Variants in WLS observed in about 807,000 individuals in gnomAD.
WLS encodes protein wntless homolog.
In WLS, 23 loss-of-function variants were observed where a neutral mutation model predicts 62.8. The observed-to-expected ratio is 0.37, with a 90% CI of 0.26 to 0.52. The LOEUF is 0.52. Ranked by LOEUF, WLS falls within the 20% of genes least tolerant of loss-of-function variation. The pLI, the probability that WLS is intolerant of heterozygous loss-of-function variation, is 0.92. For missense variants in WLS, 615 were observed against 697.3 expected (o/e 0.88, Z 1.33); for synonymous variants, 246 against 244.1 (o/e 1.01, Z -0.07).
chr1:68,172,859 G>A (rs1334442874), intron 2 of WLS, among the ~76,000 whole-genome samples: 1 of 152,200 alleles, frequency 6.6e-6, no homozygotes, highest in Non-Finnish European at 1.5e-5. Context: ...GAGAGGGACT[G>A]GAGGGAACAG....
intron 1 of WLS, 109 bp from the exon 2 acceptor site, chr1:68,194,336 T>C (rs1648543322): frequency 7.2e-7 from 1 of 1,388,224 alleles, no homozygotes; most frequent in East Asian, 2.4e-5. Context: ...TATCGCCTTC[T>C]ACAAGTGGGG....
intron 11 of WLS, among the ~76,000 whole-genome samples, chr1:68,106,648 C>T (rs1056247475): frequency 6.6e-6 from 1 of 152,124 alleles, no homozygotes; most frequent in African/African-American, 2.4e-5. Context: ...GCTTCTCATG[C>T]ATAGACAGAC....
At position 68,231,501 on chromosome 1, in the gene WLS, C is replaced by T. The variant is rs527698318; in HGVS notation, c.106+693G>A. 3.3e-5 allele frequency: 10 copies of T among 305,022 alleles called. No homozygotes were observed. In the East Asian group the frequency reaches 8.3e-4, roughly 25 times the overall value. The allele number at this position is 305,022 out of a possible 1,614,324, so 18.9% of individuals were successfully genotyped here. ...ACCTTTCGGATACGCTTTTCCCCTCCGACCTCTCCAACTTCCCGCGGCGCT... is the reference window on the plus strand; with the variant it reads ...ACCTTTCGGATACGCTTTTCCCCTCTGACCTCTCCAACTTCCCGCGGCGCT... On this transcript the variant is annotated intron_variant, in intron 1 of 11. Coordinates refer to ENST00000262348, the MANE Select transcript of WLS (RefSeq NM_024911.7).
chr1:68,131,471 G>A (rs1345419727), intron 11 of WLS, among the ~76,000 whole-genome samples: 1 of 151,782 alleles, frequency 6.6e-6, no homozygotes, highest in African/African-American at 2.4e-5. Flanking sequence ...GAGTGGCTTT[G>A]GTGGACAGGG....
At chr1:68,174,761 C>T (rs1036843465) in intron 2 of WLS, among the ~76,000 whole-genome samples, 1 of 152,168 alleles carries the variant, frequency 6.6e-6, no homozygotes, top group African/African-American at 2.4e-5. Context: ...CTCCACACAC[C>T]TGCCCCGAAT....
intron 1 of WLS, among the ~76,000 whole-genome samples, chr1:68,228,700 T>A (rs1168995135): frequency 1.3e-5 from 2 of 151,800 alleles, no homozygotes; most frequent in Non-Finnish European, 2.9e-5. Flanking sequence ...AGATGTATGG[T>A]TTCATAGTGG....
chr1:68,204,444 A>C lies in WLS; in HGVS notation c.107-10217T>G, dbSNP rs527335744. Reference sequence around the variant, plus strand: ...ACGCCATTGTCCTGCCTCAGCCTCCAGAGTAGCTGGGACCACAGGCGCCCG... The same window carrying C: ...ACGCCATTGTCCTGCCTCAGCCTCCCGAGTAGCTGGGACCACAGGCGCCCG... On this transcript the variant is annotated intron_variant, in intron 1 of 11. Transcript: ENST00000262348. Among the ~76,000 whole-genome samples, 185 of 151,914 alleles carry C rather than the reference A, an allele frequency of 1.2e-3. 1 individual carries two copies. Among genetic ancestry groups the C allele is most frequent in the African/African-American group, 4.3e-3 (178 of 41,468 alleles).
At chr1:68,116,786 T>G (rs1161567329) in intron 11 of WLS, among the ~76,000 whole-genome samples, 1 of 152,218 alleles carries the variant, frequency 6.6e-6, no homozygotes, top group East Asian at 1.9e-4. Context: ...ATGAATCTAT[T>G]TCTTTCAAGA....
At chr1:68,181,164 T>C (rs769326777) in intron 2 of WLS, among the ~76,000 whole-genome samples, 1 of 94,074 alleles carries the variant, frequency 1.1e-5, no homozygotes, top group African/African-American at 4.1e-5. Flanking sequence ...GAATTCCCCA[T>C]AAAAGAACCT....
chr1:68,193,937 G>C lies in WLS; in HGVS notation c.379+18C>G. The C allele has an allele frequency of 6.2e-7, 1 of 1,607,404 alleles. No homozygotes were observed. The highest frequency in any genetic ancestry group is 8.5e-7 in the Non-Finnish European group (1 of 1,175,532). On this transcript the variant is annotated intron_variant, in intron 2 of 11. Transcript: ENST00000262348. ...ATGCTCAAAGGGAAGAAAGGGATGA[G>C]AGGAGAGTACACTTAACTGATTTGG...
intron 2 of WLS, among the ~76,000 whole-genome samples, chr1:68,192,615 C>G (rs979927271): frequency 6.7e-6 from 1 of 150,200 alleles, no homozygotes; most frequent in Non-Finnish European, 1.5e-5. Flanking sequence ...ACAAAATTAG[C>G]GTGCCTGTAG....
At position 68,176,651 on chromosome 1, in the gene WLS, A is replaced by T. The variant is rs547427655; in HGVS notation, c.379+17304T>A. On this transcript the variant is annotated intron_variant, in intron 2 of 11. Transcript: ENST00000262348. ...CTCATCTTTTTTCTCTAATATGGAC[A>T]CTTTTCTACAGCCCAACAAATGGGC... Among the ~76,000 whole-genome samples the T allele has an allele frequency of 9.2e-5, 14 of 152,286 alleles. 1 individual carries two copies. In the South Asian group the frequency reaches 2.9e-3, roughly 32 times the overall value.
chr1:68,110,688 T>C (rs185050508), intron 11 of WLS, among the ~76,000 whole-genome samples: 3 of 149,972 alleles, frequency 2.0e-5, no homozygotes, highest in African/African-American at 2.5e-5. Context: ...TCTCTCTCTC[T>C]CTCCATATAT....
At chr1:68,122,077 A>C (rs1476813617), downstream of WLS, among the ~76,000 whole-genome samples, 2 of 152,220 alleles carry the variant, frequency 1.3e-5, no homozygotes, top group African/African-American at 4.8e-5. Flanking sequence ...ATCACACAGA[A>C]ATTCTAGTTT....
At chr1:68,117,250 ATACAG>A (rs1208787437) in intron 11 of WLS, among the ~76,000 whole-genome samples, 3 of 152,162 alleles carry the variant, frequency 2.0e-5, no homozygotes. Context: ...GTGGATCCTT[ATACAG>A]TATTCTTCCC....
intron 11 of WLS, among the ~76,000 whole-genome samples, chr1:68,129,366 G>T (rs1043073860): frequency 6.6e-6 from 1 of 152,170 alleles, no homozygotes; most frequent in African/African-American, 2.4e-5. Context: ...TGAATAAATT[G>T]TTTAGCATAT....
intron 1 of WLS, among the ~76,000 whole-genome samples, chr1:68,227,418 A>T (rs1049252217): frequency 6.6e-6 from 1 of 151,974 alleles, no homozygotes; most frequent in African/African-American, 2.4e-5. Flanking sequence ...AAAAAAAAAA[A>T]AAAAAAAGAG....
At chr1:68,169,287 C>A (rs569376387) in intron 2 of WLS, among the ~76,000 whole-genome samples, 1 of 152,198 alleles carries the variant, frequency 6.6e-6, no homozygotes, top group Non-Finnish European at 1.5e-5. Flanking sequence ...CATCCACTTA[C>A]CCCTATTGTA....
rs944466868 is a variant in WLS, at chr1:68,232,486, C to A, written c.-187G>T. On this transcript the variant is annotated 5_prime_UTR_variant, in exon 1 of 12. Coordinates refer to ENST00000262348, the MANE Select transcript of WLS (RefSeq NM_024911.7). The stretch of plus-strand genomic sequence containing the variant: ...GCCCGCACGGATTCCCCCGGCGCAG[C>A]CGGCTCGGGTTCCCCCAATGCCCGG... The A allele has an allele frequency of 5.6e-5, 71 of 1,268,172 alleles. 1 individual carries two copies. In the East Asian group the frequency reaches 2.0e-3, roughly 35 times the overall value. The allele number at this position is 1,268,172 out of a possible 1,614,324, so 78.6% of individuals were successfully genotyped here.
Sources: allele counts gnomAD v4.1 joint callset (sites outside exome capture counted in the v4.1 genomes callset), GRCh38; gene constraint gnomAD v4.1.1; transcripts MANE v1.5; gene names NCBI Gene and HGNC (gene_info 2026-07-23, HGNC 2026-07-21).